ROBO1: variants seen among roughly 807,000 people sequenced by gnomAD.
ROBO1 encodes the protein roundabout guidance receptor 1, also known as roundabout homolog 1.
ROBO1 carries 149 observed loss-of-function variants against 195.9 expected under a neutral mutation model. The ratio of observed to expected loss-of-function variants is 0.76; its 90% confidence interval spans 0.67 to 0.87. ROBO1 has a LOEUF of 0.87. Ranked by LOEUF, ROBO1 falls within the 40% of genes least tolerant of loss-of-function variation. The pLI is 0.00. For missense variants in ROBO1, 1,933 were observed against 2,068.3 expected (o/e 0.93, Z 1.27); for synonymous variants, 816 against 733.2 (o/e 1.11, Z -1.82).
intron 4 of ROBO1, among the ~76,000 whole-genome samples, chr3:78,893,690 C>T (rs1304086090): frequency 6.6e-6 from 1 of 152,052 alleles, no homozygotes; most frequent in African/African-American, 2.4e-5. Context: ...TTGTATTACA[C>T]TTTGTGAATA....
chr3:79,382,039 A>G (rs1310185430), intron 2 of ROBO1, among the ~76,000 whole-genome samples: 1 of 152,114 alleles, frequency 6.6e-6, no homozygotes, highest in African/African-American at 2.4e-5. Context: ...AGTCTAGTCT[A>G]GCTGTTATCA....
rs2082906794 is a variant in ROBO1, at chr3:79,259,826, A to G, written c.89-134287T>C. On this transcript the variant is annotated intron_variant, in intron 2 of 30. Transcript: ENST00000464233. ...TCACTTTTATTAATAAAACATGATA[A>G]TCTGCTATCTCCAATCCCTGATAAA... is the stretch of plus-strand genomic sequence containing the variant. Among the ~76,000 whole-genome samples the G allele has an allele frequency of 3.9e-5, 6 of 152,294 alleles. No individual in the cohort carries two copies. In the South Asian group the frequency reaches 1.2e-3, roughly 32 times the overall value.
At chr3:78,970,479 C>A (rs1327119730) in intron 3 of ROBO1, among the ~76,000 whole-genome samples, 1 of 152,080 alleles carries the variant, frequency 6.6e-6, no homozygotes, top group Non-Finnish European at 1.5e-5. Flanking sequence ...TTTTAAGGTA[C>A]TTTAAAGTGA....
At chr3:79,577,154 AT>A (rs75017567) in intron 2 of ROBO1, among the ~76,000 whole-genome samples, 6,553 of 152,196 alleles carry the variant, frequency 0.043, 329 homozygotes, top group East Asian at 0.13. Context: ...AAATAAAAAA[AT>A]GTTATTTGTA....
At chr3:79,604,824 CT>C (rs1944435853) in intron 1 of ROBO1, among the ~76,000 whole-genome samples, 1 of 151,866 alleles carries the variant, frequency 6.6e-6, no homozygotes, top group Non-Finnish European at 1.5e-5. Flanking sequence ...TCATCGCTGC[CT>C]TTTGAATATT....
intron 4 of ROBO1, among the ~76,000 whole-genome samples, chr3:78,934,754 A>C (rs982534858): frequency 6.6e-6 from 1 of 151,764 alleles, no homozygotes; most frequent in African/African-American, 2.4e-5. Context: ...ATATTGAACA[A>C]ATCTTTCCTT....
At chr3:78,936,811 G>A (rs550388955) in intron 4 of ROBO1, among the ~76,000 whole-genome samples, 3 of 151,852 alleles carry the variant, frequency 2.0e-5, no homozygotes, top group Non-Finnish European at 4.4e-5. Flanking sequence ...TAAATAGGTC[G>A]AACATTTAAA....
chr3:78,957,424 A>C (rs963562162), intron 3 of ROBO1, among the ~76,000 whole-genome samples: 1 of 152,098 alleles, frequency 6.6e-6, no homozygotes, highest in African/African-American at 2.4e-5. Context: ...CACTGTGTGC[A>C]CTTAATCAAT....
chr3:79,209,036 G>T (rs1167180035), intron 2 of ROBO1, among the ~76,000 whole-genome samples: 1 of 151,948 alleles, frequency 6.6e-6, no homozygotes, highest in South Asian at 2.1e-4. Flanking sequence ...GTTTTGGGGG[G>T]AACAGGTGGT....
intron 2 of ROBO1, among the ~76,000 whole-genome samples, chr3:79,469,235 G>A (rs1359863642): frequency 2.0e-5 from 3 of 152,054 alleles, no homozygotes; most frequent in Non-Finnish European, 1.5e-5. Context: ...AAAGTTATTA[G>A]AAATTATAGA....
intron 2 of ROBO1, among the ~76,000 whole-genome samples, chr3:79,389,014 G>A (rs1272157930): frequency 6.6e-6 from 1 of 152,024 alleles, no homozygotes; most frequent in African/African-American, 2.4e-5. Flanking sequence ...TGATGTGTAA[G>A]TATGCCACTA....
At chr3:79,053,857 T>A (rs2078752205) in intron 3 of ROBO1, among the ~76,000 whole-genome samples, 1 of 152,118 alleles carries the variant, frequency 6.6e-6, no homozygotes, top group Non-Finnish European at 1.5e-5. Context: ...GCTTATCCGG[T>A]CATGCTAGAA....
chr3:79,745,956 G>T (rs908009095), intron 1 of ROBO1, among the ~76,000 whole-genome samples: 3 of 151,950 alleles, frequency 2.0e-5, no homozygotes, highest in African/African-American at 7.2e-5. Context: ...TTTAAAAATT[G>T]CTTTATGTTT....
chr3:79,133,955 A>G (rs990094399), intron 2 of ROBO1, among the ~76,000 whole-genome samples: 1 of 152,102 alleles, frequency 6.6e-6, no homozygotes, highest in African/African-American at 2.4e-5. Context: ...GTGAGGTGTC[A>G]CCATTCAGGA....
At chr3:79,414,960 C>G (rs2037937950) in intron 2 of ROBO1, among the ~76,000 whole-genome samples, 1 of 152,166 alleles carries the variant, frequency 6.6e-6, no homozygotes, top group African/African-American at 2.4e-5. Flanking sequence ...CATGTCTGCA[C>G]TCTCTCTTCC....
At chr3:79,598,266 C>A (rs186972384) in intron 1 of ROBO1, among the ~76,000 whole-genome samples, 2 of 151,966 alleles carry the variant, frequency 1.3e-5, no homozygotes, top group South Asian at 4.1e-4. Context: ...TAGACAGATA[C>A]GTTATTGATT....
Position 78,892,066 on chromosome 3 carries a change from T to G in ROBO1, c.499+46535A>C, listed in dbSNP as rs77963942. ...GATTAGATACTCCATTGTATGTAAA[T>G]TTTACCTCAATAAAAAATGCGGGCC... On this transcript the variant is annotated intron_variant, in intron 4 of 30. Transcript: ENST00000464233. 7.4e-3 allele frequency among the ~76,000 whole-genome samples: 1,133 copies of G among 152,270 alleles called. 18 individuals are homozygous for G. Among genetic ancestry groups the G allele is most frequent in the African/African-American group, 0.023 (976 of 41,552 alleles).
chr3:78,701,031 TG>T (rs1468627280), intron 8 of ROBO1, among the ~76,000 whole-genome samples: 1 of 152,196 alleles, frequency 6.6e-6, no homozygotes, highest in Non-Finnish European at 1.5e-5. Flanking sequence ...CCCAAAGCAC[TG>T]GGATTACAGG....
chr3:79,197,216 G>A (rs2081654678), intron 2 of ROBO1, among the ~76,000 whole-genome samples: 1 of 151,842 alleles, frequency 6.6e-6, no homozygotes, highest in African/African-American at 2.4e-5. Context: ...AGACCCTGGT[G>A]TGTGATGTTC....
Sources: gnomAD v4.1 joint callset for allele counts (sites outside exome capture counted in the v4.1 genomes callset) on GRCh38, gnomAD v4.1.1 for gene constraint, MANE v1.5 for transcripts, NCBI Gene and HGNC (gene_info 2026-07-23, HGNC 2026-07-21) for gene names.